Variants in LAT observed in about 807,000 individuals in gnomAD.
LAT encodes the protein linker for activation of T cells.
A neutral mutation model predicts 39.1 loss-of-function variants in LAT; 12 were observed. The ratio of observed to expected loss-of-function variants is 0.31; its 90% CI spans 0.20 to 0.50. The LOEUF (loss-of-function observed/expected upper bound fraction) is 0.50. LAT is among the 20% of genes least tolerant of loss of function. LAT has a pLI of 0.98. For missense variants in LAT, 253 were observed against 308.0 expected (o/e 0.82, Z 1.34); for synonymous variants, 117 against 123.8 (o/e 0.95, Z 0.36).
chr16:28,989,325 C>CCAACAT (rs1965822497), intron 8 of LAT: 5 of 568,634 alleles, frequency 8.8e-6, no homozygotes, highest in Non-Finnish European at 1.6e-5. Context: ...CTTGTCCAGG[C>CCAACAT]CACCATCACC....
rs149558811 is a variant in LAT at position 28,989,822 on chromosome 16, C to T, written c.605C>T (p.Ala202Val). 7.4e-5 allele frequency: 120 copies of T among 1,614,130 alleles called. No individual in the cohort carries two copies. In the South Asian group the frequency reaches 7.7e-4, roughly 10 times the overall value. Residue 202 changes from alanine to valine, a missense_variant, in exon 10 of 12, where the codon GCG (alanine) becomes GTG (valine). Coordinates refer to ENST00000395456, the MANE Select transcript of LAT (RefSeq NM_001014987.2). Reference sequence around the variant, plus strand: ...GTGTCCCAGGAACTGCATCCTGGAGCGGCTAAGACTGAGCCTGGTGTGTTC... The same window carrying T: ...GTGTCCCAGGAACTGCATCCTGGAGTGGCTAAGACTGAGCCTGGTGTGTTC... ...VNVSQELHPG[A>V]AKTEPAALSS...
chr16:28,986,443 G>A lies in LAT; in HGVS notation c.307G>A (p.Gly103Ser), dbSNP rs1236859296. ...RTPSSRRDSDGANSVASYENE... is the reference protein window; with the variant it reads ...RTPSSRRDSDSANSVASYENE... ...GCCATCTTCCCGGCGGGATTCTGAT[G>A]GTGGTAAGTGTGGGGAAGGGTTCAG... Residue 103 changes from glycine to serine, a missense_variant, in exon 5 of 12, where the codon GGT becomes AGT. Physicochemically the swap from Gly to Ser is moderately conservative, Grantham distance 56. Transcript: ENST00000395456. The surrounding 1 kb of genome is among the most constrained non-coding windows in gnomAD (Gnocchi z 5.7). 1.9e-6 allele frequency: 3 copies of A among 1,613,814 alleles called. No homozygotes were observed. The highest frequency in any genetic ancestry group is 2.5e-6 in the Non-Finnish European group (3 of 1,180,020).
Position 28,990,146 on chromosome 16 carries a change from C to T in LAT, c.*8-43C>T, listed in dbSNP as rs905952411. The T allele has an allele frequency of 1.4e-5, 11 of 769,668 alleles. No individual in the cohort carries two copies. The African/African-American group carries it at 1.7e-4, about 12-fold the overall frequency. 47.7% of individuals were successfully genotyped at this position (769,668 alleles called of 1,614,324 possible). A position where few individuals can be genotyped will look rare whatever the true frequency, so the allele number is the denominator to read the frequency against. On this transcript the variant is annotated intron_variant, in intron 11 of 11. Coordinates refer to ENST00000395456, the MANE Select transcript of LAT (RefSeq NM_001014987.2). The stretch of plus-strand genomic sequence containing the variant: ...TCTCTGGGTACCTGCTGAACCCCGT[C>T]AGCCTCCTGATCCGTATCCCTCCCT...
rs763428554 is a variant in LAT, at chr16:28,990,659, C to T, written c.*478C>T. The T allele has an allele frequency of 2.3e-4, 38 of 168,752 alleles. No individual in the cohort carries two copies. The highest frequency in any genetic ancestry group is 1.6e-4 in the Non-Finnish European group (13 of 78,840). 10.5% of individuals were successfully genotyped at this position (168,752 alleles called of 1,614,324 possible). On this transcript the variant is annotated 3_prime_UTR_variant, in exon 12 of 12. Coordinates refer to ENST00000395456, the MANE Select transcript of LAT (RefSeq NM_001014987.2). The stretch of plus-strand genomic sequence containing the variant: ...TGCCCCATGAGACAGTCCCAGAACA[C>T]GGCAGCTGCTGGCTGTGACAATGGT...
In LAT at chr16:28,990,228, C is replaced by T. The variant is rs983437685; in HGVS notation, c.*47C>T. On this transcript the variant is annotated 3_prime_UTR_variant, in exon 12 of 12. Transcript: ENST00000395456. Reference sequence around the variant, plus strand: ...GTCCTGGAACCAGGCTTGCCTGGGACGGCTGAGCTGGGCAGCTGGAAGTGG... The same window carrying T: ...GTCCTGGAACCAGGCTTGCCTGGGATGGCTGAGCTGGGCAGCTGGAAGTGG... 22 of 697,892 alleles carry T rather than the reference C, an allele frequency of 3.2e-5. No individual in the cohort carries two copies. Among genetic ancestry groups the T allele is most frequent in the African/African-American group, 2.8e-4 (16 of 57,326 alleles). The allele number at this position is 697,892 out of a possible 1,614,324, so 43.2% of individuals were successfully genotyped here. A position where few individuals can be genotyped will look rare whatever the true frequency, so the allele number is the denominator to read the frequency against.
rs371098228 is a variant in LAT at position 28,990,425 on chromosome 16, T to C, written c.*244T>C. On this transcript the variant is annotated 3_prime_UTR_variant, in exon 12 of 12. Coordinates refer to ENST00000395456, the MANE Select transcript of LAT (RefSeq NM_001014987.2). ...CTGGCCCCAGCCCTACTCTGTGTAATAGAATAAAGGCCTGCGTGTGTCTGT... is the reference window on the plus strand; with the variant it reads ...CTGGCCCCAGCCCTACTCTGTGTAACAGAATAAAGGCCTGCGTGTGTCTGT... 2 of 377,416 alleles carry C rather than the reference T, an allele frequency of 5.3e-6. No individual in the cohort carries two copies. The highest frequency in any genetic ancestry group is 5.2e-6 in the Non-Finnish European group (1 of 191,934). 23.4% of individuals were successfully genotyped at this position (377,416 alleles called of 1,614,324 possible). A position where few individuals can be genotyped will look rare whatever the true frequency, so the allele number is the denominator to read the frequency against.
At chr16:28,989,691 C>A in intron 9 of LAT, 83 bp from the exon 10 acceptor site, 4 of 1,589,826 alleles carry the variant, frequency 2.5e-6, no homozygotes, top group Non-Finnish European at 3.4e-6. Context: ...CACCCTCTGC[C>A]CCCTCTGTCT....
intron 8 of LAT, 103 bp from the exon 9 acceptor site, chr16:28,989,424 C>A: frequency 1.0e-6 from 1 of 993,906 alleles, no homozygotes; most frequent in South Asian, 1.5e-5. Flanking sequence ...CCTCTGGGGT[C>A]TACCGTTGGG....
rs1051180015 is a variant in LAT, at chr16:28,985,064, C to T, written c.-354C>T. ...CCCGGCGCTCACCACAGCTTCCTGC[C>T]GCAGGCGGGCGGGAGGGCGGGCACG... is the stretch of plus-strand genomic sequence containing the variant. On this transcript the variant is annotated 5_prime_UTR_variant, in exon 1 of 12. Coordinates refer to ENST00000395456, the MANE Select transcript of LAT (RefSeq NM_001014987.2). The surrounding 1 kb of genome is among the most constrained non-coding windows in gnomAD (Gnocchi z 4.6). 493 of 1,423,386 alleles carry T rather than the reference C, an allele frequency of 3.5e-4. 1 individual carries two copies. The highest frequency in any genetic ancestry group is 4.1e-4 in the Non-Finnish European group (453 of 1,092,654). The allele number at this position is 1,423,386 out of a possible 1,614,324, so 88.2% of individuals were successfully genotyped here.
rs367578258 is a variant in LAT, at chr16:28,985,964, A to C, written c.163+76A>C. ...GGTGTGGGAGTGAGCGTGAACCTTC[A>C]GACTTCCCCTGCCACCTTGGGGCTG... is the stretch of plus-strand genomic sequence containing the variant. On this transcript the variant is annotated intron_variant, in intron 3 of 11. Coordinates refer to ENST00000395456, the MANE Select transcript of LAT (RefSeq NM_001014987.2). This position sits in a 1 kb window ranked among gnomAD's most constrained non-coding sequence, Gnocchi z 4.6. The C allele has an allele frequency of 1.0e-4, 160 of 1,547,588 alleles. No individual in the cohort carries two copies. The Middle Eastern group carries it at 1.7e-3, about 16-fold the overall frequency.
rs1387084193 is a variant in LAT at position 28,989,519 on chromosome 16, T to C, written c.494-8T>C. Reference sequence around the variant, plus strand: ...CACAGTGCCGAGGTGGGCCTGGCTTTTCCACAGTGGAGTCCATTGATGATT... The same window carrying C: ...CACAGTGCCGAGGTGGGCCTGGCTTCTCCACAGTGGAGTCCATTGATGATT... On this transcript the variant is annotated splice_polypyrimidine_tract_variant and splice_region_variant and intron_variant, in intron 8 of 11. Coordinates refer to ENST00000395456, the MANE Select transcript of LAT (RefSeq NM_001014987.2). 6.2e-7 allele frequency: 1 copy of C among 1,601,852 alleles called. No individual in the cohort carries two copies. The highest frequency in any genetic ancestry group is 2.2e-5 in the East Asian group (1 of 44,772).
In LAT at chr16:28,986,741, G is replaced by T. The variant is rs754266171; in HGVS notation, c.398+27G>T. 1 of 1,610,612 alleles carries T rather than the reference G, an allele frequency of 6.2e-7. No individual in the cohort carries two copies. The highest frequency in any genetic ancestry group is 2.2e-5 in the East Asian group (1 of 44,782). On this transcript the variant is annotated intron_variant, in intron 7 of 11. Coordinates refer to ENST00000395456, the MANE Select transcript of LAT (RefSeq NM_001014987.2). The surrounding 1 kb of genome is among the most constrained non-coding windows in gnomAD (Gnocchi z 5.7). ...TGAGTGGCCAGGTGGGAGGTGGGAG[G>T]TGAGGGCTGAGGCTGTGCGTCCCCC...
chr16:28,989,548 T>C lies in LAT; in HGVS notation c.515T>C (p.Val172Ala). The change falls in exon 9 of 12, where the codon GTG becomes GCG. Residue 172 changes from valine to alanine, a missense_variant. Physicochemically the swap from Val to Ala is moderately conservative, Grantham distance 64 (BLOSUM62 0). Transcript: ENST00000395456. ...AFSMESIDDY[V>A]NVPESGESAE... is the part of the protein sequence containing the mutation. ...ACAGTGGAGTCCATTGATGATTACG[T>C]GAACGTTCCGGAGAGCGGGGAGAGC... is the stretch of plus-strand genomic sequence containing the variant. The C allele has an allele frequency of 6.2e-7, 1 of 1,611,204 alleles. No individual in the cohort carries two copies. The highest frequency in any genetic ancestry group is 8.5e-7 in the Non-Finnish European group (1 of 1,178,394).
chr16:28,989,751 C>T (rs746270286), intron 9 of LAT, 23 bp from the exon 10 acceptor site: 53 of 1,613,760 alleles, frequency 3.3e-5, no homozygotes, highest in Non-Finnish European at 4.4e-5. Flanking sequence ...GTGGCTGCCC[C>T]TCCTTCTGAT....
intron 8 of LAT, chr16:28,988,720 A>T (rs1255910625): frequency 2.0e-5 from 3 of 152,076 alleles, no homozygotes; most frequent in Admixed American, 1.3e-4. Context: ...CTCAAAAATA[A>T]ATAAATAAAC....
At position 28,989,516 on chromosome 16, in the gene LAT, C is replaced by A; in HGVS notation, c.494-11C>A. On this transcript the variant is annotated splice_polypyrimidine_tract_variant and intron_variant, in intron 8 of 11. Coordinates refer to ENST00000395456, the MANE Select transcript of LAT (RefSeq NM_001014987.2). ...GGTCACAGTGCCGAGGTGGGCCTGG[C>A]TTTTCCACAGTGGAGTCCATTGATG... 2 of 1,600,374 alleles carry A rather than the reference C, an allele frequency of 1.2e-6. No individual in the cohort carries two copies. Among genetic ancestry groups the A allele is most frequent in the Non-Finnish European group, 1.7e-6 (2 of 1,172,512 alleles).
At position 28,985,204 on chromosome 16, in the gene LAT, C is replaced by T. The variant is rs1478140636; in HGVS notation, c.-214C>T. 1.4e-6 allele frequency: 2 copies of T among 1,430,748 alleles called. No individual in the cohort carries two copies. The highest frequency in any genetic ancestry group is 1.5e-5 in the South Asian group (1 of 66,460). The allele number at this position is 1,430,748 out of a possible 1,614,324, so 88.6% of individuals were successfully genotyped here. On this transcript the variant is annotated 5_prime_UTR_variant, in exon 1 of 12. Coordinates refer to ENST00000395456, the MANE Select transcript of LAT (RefSeq NM_001014987.2). The surrounding 1 kb of genome is among the most constrained non-coding windows in gnomAD (Gnocchi z 4.6). ...CCTGGGAGCAGGGACTTTCCACAGT[C>T]AGCTGGACGCACACTCAGCCCAGTA...
In LAT at chr16:28,985,991, C is replaced by G; in HGVS notation, c.163+103C>G. ...ACTTCCCCTGCCACCTTGGGGCTGC[C>G]CACATGGCCTTGACCTGAGCTGGGA... is the stretch of plus-strand genomic sequence containing the variant. On this transcript the variant is annotated intron_variant, in intron 3 of 11. Transcript: ENST00000395456. The surrounding 1 kb of genome is among the most constrained non-coding windows in gnomAD (Gnocchi z 4.6). 2 of 1,471,886 alleles carry G rather than the reference C, an allele frequency of 1.4e-6. No homozygotes were observed. Among genetic ancestry groups the G allele is most frequent in the South Asian group, 2.3e-5 (2 of 88,188 alleles). The allele number at this position is 1,471,886 out of a possible 1,614,324, so 91.2% of individuals were successfully genotyped here. A position where few individuals can be genotyped will look rare whatever the true frequency, so the allele number is the denominator to read the frequency against.
rs562637469 is a variant in LAT, at chr16:28,989,202, C to T, written c.494-325C>T. On this transcript the variant is annotated intron_variant, in intron 8 of 11. Coordinates refer to ENST00000395456, the MANE Select transcript of LAT (RefSeq NM_001014987.2). The stretch of plus-strand genomic sequence containing the variant: ...CCACCAAACTCCCACTGCTCCGAGC[C>T]GCACTACATCCCTGCTCCCCAGCCT... 6.2e-5 allele frequency: 17 copies of T among 273,724 alleles called. No homozygotes were observed. In the South Asian group the frequency reaches 1.2e-3, roughly 20 times the overall value. The allele number at this position is 273,724 out of a possible 1,614,324, so 17.0% of individuals were successfully genotyped here.
Sources: allele counts gnomAD v4.1 joint callset, GRCh38; gene constraint gnomAD v4.1.1; non-coding constraint Gnocchi (gnomAD v3.1); transcripts MANE v1.5; gene names NCBI Gene and HGNC (gene_info 2026-07-23, HGNC 2026-07-21).